The following MCTP2 variants were observed in gnomAD, a reference collection of about 807,000 sequenced individuals.
MCTP2 encodes the protein multiple C2 and transmembrane domain containing 2.
MCTP2 carries 132 observed loss-of-function variants against 111.6 expected under a neutral mutation model. The observed-to-expected ratio is 1.18, with a 90% CI of 1.03 to 1.37. The LOEUF is 1.37. MCTP2 is among the 40% of genes most tolerant of loss of function. The pLI is 0.00. For synonymous variants in MCTP2, 395 were observed against 387.7 expected (o/e 1.02, Z -0.22); for missense variants, 1,183 against 1,067.9 (o/e 1.11, Z -1.50).
intron 17 of MCTP2, among the ~76,000 whole-genome samples, chr15:94,410,686 G>A (rs1237898416): frequency 1.3e-5 from 2 of 152,296 alleles, no homozygotes; most frequent in East Asian, 1.9e-4. Context: ...GAAAGGCAAA[G>A]GCCCAGTCTT....
intron 1 of MCTP2, among the ~76,000 whole-genome samples, chr15:94,254,977 G>A (rs537152737): frequency 2.5e-4 from 38 of 152,092 alleles, no homozygotes; most frequent in African/African-American, 8.2e-4. Flanking sequence ...GATGTGTTAC[G>A]CATGGGAAAG....
chr15:94,352,452 G>A (rs1354602149), intron 8 of MCTP2, among the ~76,000 whole-genome samples: 2 of 152,152 alleles, frequency 1.3e-5, no homozygotes, highest in Non-Finnish European at 2.9e-5. Context: ...GCAGATGAAT[G>A]AATCAACATA....
chr15:94,360,851 A>C (rs1216368453), intron 10 of MCTP2, among the ~76,000 whole-genome samples: 1 of 118,436 alleles, frequency 8.4e-6, no homozygotes, highest in Non-Finnish European at 1.8e-5. Context: ...AATTTTAAAG[A>C]ATTTTTTTTT....
intron 4 of MCTP2, among the ~76,000 whole-genome samples, chr15:94,325,984 T>A (rs1438846037): frequency 6.6e-6 from 1 of 151,852 alleles, no homozygotes; most frequent in Non-Finnish European, 1.5e-5. Context: ...CATGCCCAGC[T>A]AATTTTTGTA....
At chr15:94,262,844 T>G (rs1419245743) in intron 1 of MCTP2, among the ~76,000 whole-genome samples, 1 of 152,162 alleles carries the variant, frequency 6.6e-6, no homozygotes, top group Admixed American at 6.5e-5. Flanking sequence ...GTAATTTTTA[T>G]ATTTTTAGTA....
At chr15:94,251,730 C>T (rs952451911) in intron 1 of MCTP2, among the ~76,000 whole-genome samples, 10 of 152,118 alleles carry the variant, frequency 6.6e-5, no homozygotes, top group Admixed American at 2.0e-4. Context: ...CACCTCCATC[C>T]GTCTCCTGAA....
chr15:94,419,621 A>G (rs2082532078), intron 17 of MCTP2, among the ~76,000 whole-genome samples: 1 of 152,146 alleles, frequency 6.6e-6, no homozygotes, highest in Non-Finnish European at 1.5e-5. Context: ...ATTTCTTCCG[A>G]AAGTGTAGAA....
intron 17 of MCTP2, among the ~76,000 whole-genome samples, chr15:94,408,623 A>G (rs969670107): frequency 6.6e-6 from 1 of 152,242 alleles, no homozygotes; most frequent in African/African-American, 2.4e-5. Context: ...ATGCAATTTA[A>G]TAAAATTACA....
chr15:94,419,297 C>A (rs1450636376), intron 17 of MCTP2, among the ~76,000 whole-genome samples: 1 of 152,080 alleles, frequency 6.6e-6, no homozygotes, highest in Non-Finnish European at 1.5e-5. Flanking sequence ...AAGACAATGT[C>A]AAGTAAACAC....
intron 8 of MCTP2, among the ~76,000 whole-genome samples, chr15:94,352,226 G>A (rs543879413): frequency 7.9e-5 from 12 of 152,294 alleles, no homozygotes; most frequent in African/African-American, 2.6e-4. Context: ...TAGTCCCACC[G>A]CAAAGTTTCT....
chr15:94,469,260 G>C (rs537769098), intron 20 of MCTP2, among the ~76,000 whole-genome samples: 3 of 152,048 alleles, frequency 2.0e-5, no homozygotes, highest in African/African-American at 7.2e-5. Flanking sequence ...AAATACTCTC[G>C]GCACCTCAGT....
intron 1 of MCTP2, among the ~76,000 whole-genome samples, chr15:94,291,828 A>C (rs1038972424): frequency 2.0e-5 from 3 of 152,098 alleles, no homozygotes; most frequent in Non-Finnish European, 4.4e-5. Context: ...CTTTCTCTCT[A>C]TGTTTGGACA....
chr15:94,406,843 T>C (rs1426230164), intron 17 of MCTP2, among the ~76,000 whole-genome samples: 3 of 149,622 alleles, frequency 2.0e-5, no homozygotes, highest in Non-Finnish European at 4.4e-5. Context: ...ATGGAAGGCA[T>C]TGGACTTTTC....
intron 19 of MCTP2, among the ~76,000 whole-genome samples, chr15:94,449,342 A>C (rs2084305440): frequency 6.6e-6 from 1 of 152,244 alleles, no homozygotes; most frequent in Non-Finnish European, 1.5e-5. Context: ...TTGTCTACAA[A>C]TGAACAAACC....
rs191138819 is a variant in MCTP2 at position 94,451,293 on chromosome 15, A to T, written c.2251-6844A>T. On this transcript the variant is annotated intron_variant, in intron 19 of 22. Coordinates refer to ENST00000357742, the MANE Select transcript of MCTP2 (RefSeq NM_001385001.1). ...TCTTCTTTTTTATTGTGTGTTTAAA[A>T]AAAACAAGGAAACCTTATGAAATTT... Among the ~76,000 whole-genome samples the T allele has an allele frequency of 3.9e-3, 600 of 152,328 alleles. 14 individuals are homozygous for T. The highest frequency in any genetic ancestry group is 1.0e-3 in the Non-Finnish European group (69 of 68,034).
At chr15:94,470,227 G>C (rs1036020845) in intron 20 of MCTP2, 106 bp from the exon 21 acceptor site, 1 of 878,582 alleles carries the variant, frequency 1.1e-6, no homozygotes, top group Non-Finnish European at 1.8e-6. Flanking sequence ...CCAATAGACT[G>C]TAAAAAAAAT....
At chr15:94,243,837 TTA>T (rs2071383998) in intron 1 of MCTP2, among the ~76,000 whole-genome samples, 1 of 147,562 alleles carries the variant, frequency 6.8e-6, no homozygotes, top group Non-Finnish European at 1.5e-5. Flanking sequence ...ATGTATATAT[TTA>T]TGTACACATA....
At chr15:94,458,039 G>A (rs2084945275) in intron 19 of MCTP2, 98 bp from the exon 20 acceptor site, 1 of 682,526 alleles carries the variant, frequency 1.5e-6, no homozygotes, top group African/African-American at 1.8e-5. Flanking sequence ...TCACTCTATT[G>A]GTAAAAACCT....
intron 21 of MCTP2, 190 bp from the exon 22 acceptor site, chr15:94,476,506 T>C: frequency 4.4e-6 from 2 of 458,304 alleles, no homozygotes; most frequent in South Asian, 5.2e-5. Context: ...TGAGGTCTGG[T>C]AATTGTTTTC....
Sources: allele counts gnomAD v4.1 joint callset (sites outside exome capture counted in the v4.1 genomes callset), GRCh38; gene constraint gnomAD v4.1.1; transcripts MANE v1.5; gene names NCBI Gene and HGNC (gene_info 2026-07-23, HGNC 2026-07-21).